DHRS4L2: variants seen among roughly 807,000 people sequenced by gnomAD.
The protein encoded by DHRS4L2 is dehydrogenase/reductase 4 like 2.
Under a neutral mutation model 23.9 loss-of-function variants are expected in DHRS4L2, and 22 were observed. The observed-to-expected ratio is 0.92, with a 90% confidence interval of 0.66 to 1.31. The LOEUF is 1.31. DHRS4L2 is among the 40% of genes most tolerant of loss of function. The pLI is 0.00. For missense variants in DHRS4L2, 385 were observed against 303.3 expected (o/e 1.27, Z -2.00); for synonymous variants, 141 against 123.7 (o/e 1.14, Z -0.93).
chr14:23,995,727 T>C (rs2034367802), intron 3 of DHRS4L2, among the ~76,000 whole-genome samples: 1 of 151,868 alleles, frequency 6.6e-6, no homozygotes, highest in South Asian at 2.1e-4. Context: ...AAGTGTATAA[T>C]TACATTATAT....
At chr14:23,997,573 A>G (rs950970552) in intron 3 of DHRS4L2, among the ~76,000 whole-genome samples, 41 of 145,746 alleles carry the variant, frequency 2.8e-4, no homozygotes, top group African/African-American at 1.1e-3. Flanking sequence ...GATTTCAACA[A>G]TATTCATGGC....
chr14:23,992,294 C>T (rs1409311910), intron 2 of DHRS4L2, among the ~76,000 whole-genome samples: 1 of 151,448 alleles, frequency 6.6e-6, no homozygotes, highest in Non-Finnish European at 1.5e-5. Context: ...GCCCAAGAGA[C>T]ATTTAGTGGA....
intron 3 of DHRS4L2, among the ~76,000 whole-genome samples, chr14:23,998,406 A>C (rs2034424608): frequency 6.6e-6 from 1 of 150,990 alleles, no homozygotes; most frequent in South Asian, 2.1e-4. Context: ...TCTCCTCTCT[A>C]GCTATTAAAG....
At chr14:23,986,428 A>T (rs2034140743), upstream of DHRS4L2, among the ~76,000 whole-genome samples, 2 of 151,204 alleles carry the variant, frequency 1.3e-5, no homozygotes, top group African/African-American at 4.9e-5. Context: ...TAACGGGTGC[A>T]GCACACCAAC....
intron 1 of DHRS4L2, among the ~76,000 whole-genome samples, chr14:23,974,081 A>G (rs983544373): frequency 6.6e-6 from 1 of 151,866 alleles, no homozygotes; most frequent in Non-Finnish European, 1.5e-5. Flanking sequence ...ATTAGAACTC[A>G]GGACTGAAAA....
chr14:23,991,776 G>A (rs2034275488), intron 2 of DHRS4L2, among the ~76,000 whole-genome samples: 1 of 139,118 alleles, frequency 7.2e-6, no homozygotes, highest in South Asian at 2.3e-4. Flanking sequence ...CATTCTTGTT[G>A]CCCAGGCTGA....
upstream of DHRS4L2, among the ~76,000 whole-genome samples, chr14:23,986,837 G>T (rs570877217): frequency 2.4e-4 from 37 of 151,668 alleles, no homozygotes; most frequent in Non-Finnish European, 4.1e-4. Context: ...AGAGCCCTGG[G>T]AAGGGTTCCC....
chr14:23,995,008 T>C (rs1430759309), intron 2 of DHRS4L2, 24 bp from the exon 3 acceptor site: 1 of 1,612,018 alleles, frequency 6.2e-7, no homozygotes, highest in Non-Finnish European at 8.5e-7. Flanking sequence ...GCAGCCCTGG[T>C]CCAGACCTTA....
intron 3 of DHRS4L2, among the ~76,000 whole-genome samples, chr14:23,998,124 AAC>A (rs777696564): frequency 6.6e-6 from 1 of 151,940 alleles, no homozygotes; most frequent in Non-Finnish European, 1.5e-5. Flanking sequence ...AATGAGCAGT[AAC>A]AGTTTTAAAG....
Position 24,004,587 on chromosome 14 carries a change from C to A in DHRS4L2, c.*22+195C>A. The A allele has an allele frequency of 4.6e-6, 4 of 871,930 alleles. 1 individual carries two copies. Among genetic ancestry groups the A allele is most frequent in the South Asian group, 4.5e-5 (3 of 66,870 alleles). The allele number at this position is 871,930 out of a possible 1,614,324, so 54.0% of individuals were successfully genotyped here. A position where few individuals can be genotyped will look rare whatever the true frequency, so the allele number is the denominator to read the frequency against. ...GTCAGCTTCCCTTTCCAAAGGTAAA[C>A]ACAGAGACATCGGGGTTTCAGCAGT... On this transcript the variant is annotated intron_variant, in intron 7 of 7. Transcript: ENST00000335125.
intron 1 of DHRS4L2, among the ~76,000 whole-genome samples, chr14:23,977,296 C>A (rs35919556): frequency 0.092 from 13,884 of 151,586 alleles, 875 homozygotes; most frequent in East Asian, 0.24. Context: ...GGATTTCTAG[C>A]TTCTGTTTAA....
intron 1 of DHRS4L2, among the ~76,000 whole-genome samples, chr14:23,975,279 A>G (rs199952404): frequency 2.9e-4 from 44 of 151,874 alleles, no homozygotes; most frequent in African/African-American, 6.0e-4. Context: ...AAGCATTCCT[A>G]TATGCAAATA....
upstream of DHRS4L2, chr14:23,988,926 C>A: frequency 3.1e-6 from 5 of 1,610,740 alleles, no homozygotes; most frequent in Non-Finnish European, 4.2e-6. Context: ...AGGAGTGGAA[C>A]CCAGACTTGC....
At chr14:23,970,365 C>T (rs1465282947) in intron 1 of DHRS4L2, 1 of 406,688 alleles carries the variant, frequency 2.5e-6, no homozygotes, top group African/African-American at 2.3e-5. Flanking sequence ...GGGCGGGGGG[C>T]CGAAACTGCA....
intron 3 of DHRS4L2, among the ~76,000 whole-genome samples, chr14:23,998,543 C>G (rs1178233839): frequency 2.0e-5 from 3 of 150,812 alleles, no homozygotes; most frequent in Non-Finnish European, 3.0e-5. Context: ...GCTTCTACAT[C>G]AGCACTCGCT....
chr14:23,976,080 T>C (rs1190000538), intron 1 of DHRS4L2, among the ~76,000 whole-genome samples: 5 of 151,410 alleles, frequency 3.3e-5, no homozygotes, highest in African/African-American at 9.7e-5. Context: ...CCAAAAGTAA[T>C]GGCAACAAAA....
chr14:24,004,572 CTTTCCAAAGG>C, intron 7 of DHRS4L2, 180 bp downstream of exon 7: 1 of 951,202 alleles, frequency 1.1e-6, no homozygotes, highest in Admixed American at 2.1e-5. Flanking sequence ...GTCAGCTTCC[CTTTCCAAAGG>C]TAAACACAGA....
At chr14:23,988,329 G>C (rs1407574371), upstream of DHRS4L2, among the ~76,000 whole-genome samples, 3 of 148,086 alleles carry the variant, frequency 2.0e-5, no homozygotes, top group Non-Finnish European at 4.5e-5. Context: ...TTTTGCCAAT[G>C]ACCGTAGTCT....
upstream of DHRS4L2, among the ~76,000 whole-genome samples, chr14:23,984,248 A>C (rs1264789714): frequency 6.6e-6 from 1 of 151,648 alleles, no homozygotes; most frequent in Admixed American, 6.6e-5. Context: ...ACCATAGGGA[A>C]GAGTTACCTT....
Sources: allele counts gnomAD v4.1 joint callset (sites outside exome capture counted in the v4.1 genomes callset), GRCh38; gene constraint gnomAD v4.1.1; transcripts MANE v1.5; gene names NCBI Gene and HGNC (gene_info 2026-07-23, HGNC 2026-07-21).